REC114: variants seen among roughly 807,000 people sequenced by gnomAD.
REC114 encodes REC114 meiotic recombination protein.
In REC114, 27 loss-of-function variants were observed where a neutral mutation model predicts 31.3. The ratio of observed to expected loss-of-function variants is 0.86; its 90% CI spans 0.64 to 1.19. The LOEUF is 1.19. Among genes scored for constraint, REC114 ranks in the 50% most tolerant of loss-of-function variants. The pLI, the probability that REC114 is intolerant of heterozygous loss-of-function variation, is 0.00. For synonymous variants in REC114, 134 were observed against 127.7 expected (o/e 1.05, Z -0.33); for missense variants, 344 against 326.9 (o/e 1.05, Z -0.40).
chr15:73,509,992 T>G (rs369643718), intron 2 of REC114, among the ~76,000 whole-genome samples: 42 of 152,114 alleles, frequency 2.8e-4, no homozygotes, highest in East Asian at 1.2e-3. Context: ...GTCATTGGTA[T>G]CTTGATGGGG....
chr15:73,515,423 A>G (rs1893844206), intron 2 of REC114, among the ~76,000 whole-genome samples: 1 of 152,160 alleles, frequency 6.6e-6, no homozygotes, highest in South Asian at 2.1e-4. Flanking sequence ...TGTATTGGTG[A>G]TGTTGCTTAC....
At chr15:73,519,374 C>T (rs1215341391) in intron 2 of REC114, among the ~76,000 whole-genome samples, 2 of 152,194 alleles carry the variant, frequency 1.3e-5, no homozygotes, top group African/African-American at 4.8e-5. Flanking sequence ...CTGCCAGCAC[C>T]TTGATCTTGG....
chr15:73,524,199 G>A (rs916586002), intron 2 of REC114, among the ~76,000 whole-genome samples: 1 of 152,174 alleles, frequency 6.6e-6, no homozygotes, highest in Non-Finnish European at 1.5e-5. Context: ...TGCTAAAATT[G>A]AAGAAAGAAC....
intron 5 of REC114, among the ~76,000 whole-genome samples, chr15:73,559,368 G>A (rs1053285239): frequency 2.6e-5 from 4 of 152,194 alleles, no homozygotes; most frequent in Admixed American, 6.5e-5. Context: ...TGCCACCTAT[G>A]CTGTGGCGAA....
intron 2 of REC114, among the ~76,000 whole-genome samples, chr15:73,495,497 A>G (rs1595869737): frequency 6.7e-6 from 1 of 150,276 alleles, no homozygotes; most frequent in African/African-American, 2.5e-5. Flanking sequence ...AATATTTTGC[A>G]CTGCCAGTCT....
At chr15:73,530,699 C>T (rs370665644) in intron 2 of REC114, among the ~76,000 whole-genome samples, 1 of 152,016 alleles carries the variant, frequency 6.6e-6, no homozygotes, top group African/African-American at 2.4e-5. Flanking sequence ...CTTTGTTTTC[C>T]CTCTTCACAT....
chr15:73,469,166 A>G (rs891758808), intron 1 of REC114, among the ~76,000 whole-genome samples: 3 of 152,222 alleles, frequency 2.0e-5, no homozygotes, highest in African/African-American at 4.8e-5. Context: ...GTGATTTGCT[A>G]TGTGCTTTTT....
At chr15:73,558,064 C>T (rs1020722867) in intron 5 of REC114, among the ~76,000 whole-genome samples, 1 of 152,118 alleles carries the variant, frequency 6.6e-6, no homozygotes, top group Non-Finnish European at 1.5e-5. Flanking sequence ...GTAGGCTGCA[C>T]ATGGTGGCTC....
intron 2 of REC114, among the ~76,000 whole-genome samples, chr15:73,476,212 T>G (rs1893212572): frequency 6.6e-6 from 1 of 152,216 alleles, no homozygotes; most frequent in Non-Finnish European, 1.5e-5. Flanking sequence ...TGTAATTTGT[T>G]TAATCTTTTT....
At chr15:73,488,289 T>C (rs377191377) in intron 2 of REC114, among the ~76,000 whole-genome samples, 26 of 152,364 alleles carry the variant, frequency 1.7e-4, no homozygotes, top group African/African-American at 6.3e-4. Flanking sequence ...GGCTTTCTTC[T>C]ATCCATACTA....
chr15:73,537,851 GATA>G (rs997853936), intron 2 of REC114, among the ~76,000 whole-genome samples: 13 of 152,150 alleles, frequency 8.5e-5, no homozygotes, highest in African/African-American at 1.4e-4. Flanking sequence ...ACTCCCTGCA[GATA>G]ATATTTTTAT....
intron 3 of REC114, among the ~76,000 whole-genome samples, chr15:73,546,862 C>T (rs1894316529): frequency 6.7e-6 from 1 of 149,738 alleles, no homozygotes; most frequent in Non-Finnish European, 1.5e-5. Flanking sequence ...TATCTATGTG[C>T]AGAAGGATGA....
intron 1 of REC114, among the ~76,000 whole-genome samples, chr15:73,451,722 C>T (rs764762267): frequency 9.2e-5 from 14 of 152,204 alleles, no homozygotes; most frequent in South Asian, 2.1e-4. Flanking sequence ...AACATTGATG[C>T]GAAAATCCTC....
intron 2 of REC114, among the ~76,000 whole-genome samples, chr15:73,480,717 G>A (rs138346139): frequency 0.013 from 2,027 of 152,090 alleles, 52 homozygotes; most frequent in African/African-American, 0.046. Flanking sequence ...TCACTCTTTC[G>A]CCCAGGCTGG....
intron 1 of REC114, among the ~76,000 whole-genome samples, chr15:73,472,684 C>G (rs955916155): frequency 6.6e-6 from 1 of 152,190 alleles, no homozygotes; most frequent in Admixed American, 6.5e-5. Flanking sequence ...ACTTAAGACC[C>G]AGATCCCACT....
rs201085176 is a variant in REC114, at chr15:73,448,029, G to T, written c.159+4685G>T. ...CCCTCTGGTGCCTACACCACCGAGG[G>T]CCCTGGGTTTCAAGCACAAAACTGG... On this transcript the variant is annotated intron_variant, in intron 1 of 5. Coordinates refer to ENST00000331090, the MANE Select transcript of REC114 (RefSeq NM_001042367.2). Among the ~76,000 whole-genome samples, 5 of 152,192 alleles carry T rather than the reference G, an allele frequency of 3.3e-5. No individual in the cohort carries two copies. The East Asian group carries it at 7.7e-4, about 24-fold the overall frequency.
At position 73,489,798 on chromosome 15, in the gene REC114, A is replaced by T. The variant is rs559339132; in HGVS notation, c.249+15877A>T. Among the ~76,000 whole-genome samples the T allele has an allele frequency of 1.7e-3, 261 of 151,632 alleles. 5 individuals are homozygous for T. The highest frequency in any genetic ancestry group is 2.2e-3 in the Non-Finnish European group (151 of 67,894). On this transcript the variant is annotated intron_variant, in intron 2 of 5. Transcript: ENST00000331090. ...TCTAATCACCCAGCCTTCCTCAGGC[A>T]GCAGTTCCCTTATTTGCTTCCTAGC... is the stretch of plus-strand genomic sequence containing the variant.
chr15:73,541,013 G>T (rs981212247), intron 3 of REC114, among the ~76,000 whole-genome samples: 33 of 152,142 alleles, frequency 2.2e-4, no homozygotes, highest in Admixed American at 1.9e-3. Flanking sequence ...CAAAGAAACA[G>T]TCATATTAAT....
chr15:73,471,889 TTA>T (rs1462539168), intron 1 of REC114, among the ~76,000 whole-genome samples: 4 of 152,160 alleles, frequency 2.6e-5, no homozygotes, highest in African/African-American at 7.2e-5. Flanking sequence ...AAATAATTCT[TTA>T]TGATTCCACT....
Sources: allele counts gnomAD v4.1 joint callset (sites outside exome capture counted in the v4.1 genomes callset), GRCh38; gene constraint gnomAD v4.1.1; transcripts MANE v1.5; gene names NCBI Gene and HGNC (gene_info 2026-07-23, HGNC 2026-07-21).